The following NAV3 variants were observed in gnomAD, a reference collection of about 807,000 sequenced individuals.
The protein encoded by NAV3 is neuron navigator 3, also known as pore membrane and/or filament interacting like protein 1.
NAV3 carries 87 observed loss-of-function variants against 244.7 expected under a neutral mutation model. The observed-to-expected ratio is 0.36, with a 90% CI of 0.30 to 0.42. The LOEUF is 0.42. NAV3 is among the 20% of genes least tolerant of loss of function. NAV3 has a pLI of 1.00. For synonymous variants in NAV3, 1,126 were observed against 1,042.2 expected (o/e 1.08, Z -1.55); for missense variants, 2,663 against 2,893.3 (o/e 0.92, Z 1.83).
chr12:77,935,113 G>A (rs1239785466), intron 1 of NAV3, among the ~76,000 whole-genome samples: 6 of 152,062 alleles, frequency 3.9e-5, no homozygotes, highest in Non-Finnish European at 8.8e-5. Flanking sequence ...ATATAACTGA[G>A]TGGTAGGTTA....
intron 1 of NAV3, among the ~76,000 whole-genome samples, chr12:77,909,999 C>T (rs183988002): frequency 2.3e-4 from 35 of 151,988 alleles, no homozygotes; most frequent in African/African-American, 7.7e-4. Flanking sequence ...CCTAATATTT[C>T]GATGTTAAGA....
At chr12:77,955,905 G>T (rs908840854) in intron 3 of NAV3, among the ~76,000 whole-genome samples, 1 of 151,916 alleles carries the variant, frequency 6.6e-6, no homozygotes, top group African/African-American at 2.4e-5. Flanking sequence ...AAAAGAAATA[G>T]ACCCTTCTGC....
intron 1 of NAV3, among the ~76,000 whole-genome samples, chr12:77,869,679 C>T (rs781458810): frequency 1.9e-4 from 29 of 152,194 alleles, no homozygotes; most frequent in Non-Finnish European, 3.7e-4. Flanking sequence ...ATTCTAGATC[C>T]GTTTCTTTTG....
intron 1 of NAV3, among the ~76,000 whole-genome samples, chr12:77,902,273 C>T (rs1200759150): frequency 1.3e-5 from 2 of 152,154 alleles, no homozygotes; most frequent in Non-Finnish European, 2.9e-5. Flanking sequence ...TCCATCAAAG[C>T]AGGGGTTTGA....
chr12:78,192,661 C>T (rs1407290546), intron 34 of NAV3, among the ~76,000 whole-genome samples: 4 of 152,112 alleles, frequency 2.6e-5, no homozygotes, highest in East Asian at 3.9e-4. Context: ...CCACCTGCCT[C>T]GGCCTCCCAA....
At chr12:77,626,571 A>T (rs552338868) in intron 2 of NAV3, among the ~76,000 whole-genome samples, 19 of 152,280 alleles carry the variant, frequency 1.2e-4, no homozygotes, top group African/African-American at 4.6e-4. Flanking sequence ...GTCACATATA[A>T]GGGCATCTCC....
At chr12:78,150,230 TGG>T (rs1237105873) in intron 22 of NAV3, among the ~76,000 whole-genome samples, 1 of 152,092 alleles carries the variant, frequency 6.6e-6, no homozygotes, top group African/African-American at 2.4e-5. Flanking sequence ...CAGAACCTCC[TGG>T]GTTGTGTTTA....
At chr12:78,177,011 A>G (rs1958258169) in intron 26 of NAV3, 130 bp from the exon 27 acceptor site, 6 of 809,274 alleles carry the variant, frequency 7.4e-6, no homozygotes, top group East Asian at 2.6e-5. Flanking sequence ...CTGTGCTGCA[A>G]TTGTTAATAC....
At chr12:78,028,558 G>A (rs1878457691) in intron 9 of NAV3, among the ~76,000 whole-genome samples, 1 of 152,194 alleles carries the variant, frequency 6.6e-6, no homozygotes, top group East Asian at 1.9e-4. Flanking sequence ...GAGATTGGAT[G>A]TACTTATACA....
intron 2 of NAV3, among the ~76,000 whole-genome samples, chr12:77,681,594 G>A (rs1204437911): frequency 2.6e-5 from 4 of 152,146 alleles, no homozygotes; most frequent in African/African-American, 9.7e-5. Flanking sequence ...AAACCGTGCA[G>A]TGTTAATAAT....
chr12:77,777,627 T>C (rs574045386), intron 2 of NAV3, among the ~76,000 whole-genome samples: 1 of 152,160 alleles, frequency 6.6e-6, no homozygotes, highest in Admixed American at 6.5e-5. Flanking sequence ...CATGGATAAC[T>C]GTCCCACAGA....
chr12:77,755,794 C>T (rs1869144281), intron 2 of NAV3, among the ~76,000 whole-genome samples: 1 of 150,866 alleles, frequency 6.6e-6, no homozygotes. Flanking sequence ...AGTGCAGTGG[C>T]GTGAACACAG....
chr12:77,903,899 C>A (rs1015294961), intron 1 of NAV3, among the ~76,000 whole-genome samples: 2 of 152,156 alleles, frequency 1.3e-5, no homozygotes, highest in Non-Finnish European at 2.9e-5. Flanking sequence ...AAAAAATGCT[C>A]ATCATCACTG....
intron 2 of NAV3, among the ~76,000 whole-genome samples, chr12:77,641,434 G>A (rs1872406510): frequency 6.6e-6 from 1 of 152,002 alleles, no homozygotes; most frequent in African/African-American, 2.4e-5. Flanking sequence ...TGTGATTTTA[G>A]TTTTCTCAGA....
rs369352267 is a variant in NAV3 at position 78,107,743 on chromosome 12, C to T, written c.2637-9029C>T. On this transcript the variant is annotated intron_variant, in intron 12 of 39. Coordinates refer to ENST00000397909, the MANE Select transcript of NAV3 (RefSeq NM_001024383.2). Reference sequence around the variant, plus strand: ...TACTAGACTGGACCTACAATAAATGCTCAAGGGAGGTCTGGAAACTAGTAG... The same window carrying T: ...TACTAGACTGGACCTACAATAAATGTTCAAGGGAGGTCTGGAAACTAGTAG... 3.3e-5 allele frequency among the ~76,000 whole-genome samples: 5 copies of T among 152,046 alleles called. No individual in the cohort carries two copies. The East Asian group carries it at 7.7e-4, about 24-fold the overall frequency.
rs1202943637 is a variant in NAV3, at chr12:78,047,230, G to C, written c.2024-2763G>C. On this transcript the variant is annotated intron_variant, in intron 9 of 39. Transcript: ENST00000397909. The stretch of plus-strand genomic sequence containing the variant: ...AGGCCAGGTGCGGTGGCTCACGCTT[G>C]TAATCCCAGCACTTTGAGAGGCCGA... Among the ~76,000 whole-genome samples the C allele has an allele frequency of 1.3e-5, 2 of 152,280 alleles. 1 individual carries two copies. Among genetic ancestry groups the C allele is most frequent in the Middle Eastern group, 6.8e-3 (2 of 294 alleles).
At chr12:77,635,131 G>A (rs1872101061) in intron 2 of NAV3, among the ~76,000 whole-genome samples, 1 of 152,102 alleles carries the variant, frequency 6.6e-6, no homozygotes, top group Non-Finnish European at 1.5e-5. Context: ...GGGAGGCTAA[G>A]GCAGGAGAAT....
At chr12:77,583,907 C>T (rs1869483095) in intron 2 of NAV3, among the ~76,000 whole-genome samples, 2 of 152,166 alleles carry the variant, frequency 1.3e-5, no homozygotes, top group African/African-American at 4.8e-5. Flanking sequence ...TCTCTAAGTT[C>T]CTTGAACAAT....
At chr12:77,580,781 T>C (rs1156532430) in intron 2 of NAV3, among the ~76,000 whole-genome samples, 5 of 152,208 alleles carry the variant, frequency 3.3e-5, no homozygotes, top group African/African-American at 1.2e-4. Flanking sequence ...AGATAAGGAA[T>C]GTAAAAACTA....
Sources: allele counts gnomAD v4.1 joint callset (sites outside exome capture counted in the v4.1 genomes callset), GRCh38; gene constraint gnomAD v4.1.1; transcripts MANE v1.5; gene names NCBI Gene and HGNC (gene_info 2026-07-23, HGNC 2026-07-21).